The following PVALB variants were observed in gnomAD, a reference collection of about 807,000 sequenced individuals.
The protein encoded by PVALB is parvalbumin, also known as parvalbumin alpha.
PVALB carries 11 observed loss-of-function variants against 10.9 expected under a neutral mutation model. The observed-to-expected ratio is 1.01, with a 90% CI of 0.63 to 1.67. PVALB has a LOEUF of 1.67. Ranked by LOEUF, PVALB falls within the 40% of genes most tolerant of loss-of-function variation. The probability of loss-of-function intolerance (pLI) is 0.00; values close to 1 mark genes in which losing one functional copy is unlikely to be tolerated. For synonymous variants in PVALB, 57 were observed against 50.7 expected, an observed-to-expected ratio of 1.12 and a Z score of -0.53; for missense variants, 131 against 136.2, an observed-to-expected ratio of 0.96 and a Z score of 0.19.
At chr22:36,804,791 G>A (rs2284020) in intron 3 of PVALB, among the ~76,000 whole-genome samples, 56,916 of 151,858 alleles carry the variant, frequency 0.37, 10,993 homozygotes, top group Non-Finnish European at 0.43. Context: ...AAAGTCAGCC[G>A]GGAGTGGTGG....
chr22:36,806,656 C>T (rs1454181196), intron 3 of PVALB, among the ~76,000 whole-genome samples: 2 of 152,156 alleles, frequency 1.3e-5, no homozygotes, highest in Admixed American at 1.3e-4. Context: ...GATCACCTTC[C>T]CATCCCGGAG....
intron 3 of PVALB, among the ~76,000 whole-genome samples, chr22:36,809,237 C>T (rs1939009302): frequency 6.6e-6 from 1 of 152,192 alleles, no homozygotes; most frequent in Non-Finnish European, 1.5e-5. Flanking sequence ...CAGTGCTGCC[C>T]AGAGCTGGGT....
intron 3 of PVALB, among the ~76,000 whole-genome samples, chr22:36,806,391 T>C (rs1014653789): frequency 6.6e-6 from 1 of 152,136 alleles, no homozygotes; most frequent in African/African-American, 2.4e-5. Context: ...CTTAGGAAAC[T>C]GAAATTAGCC....
intron 3 of PVALB, among the ~76,000 whole-genome samples, chr22:36,804,509 T>C (rs956485170): frequency 6.6e-6 from 1 of 152,204 alleles, no homozygotes; most frequent in Non-Finnish European, 1.5e-5. Flanking sequence ...TGTAGATAAA[T>C]TGAGGGCAGG....
chr22:36,805,824 A>G (rs1346156771), intron 3 of PVALB, among the ~76,000 whole-genome samples: 1 of 152,080 alleles, frequency 6.6e-6, no homozygotes, highest in African/African-American at 2.4e-5. Flanking sequence ...TTGACATAAC[A>G]TTAACTACGA....
chr22:36,805,935 CCATCAGAGCTAG>C (rs2145946954), intron 3 of PVALB, among the ~76,000 whole-genome samples: 1 of 152,292 alleles, frequency 6.6e-6, no homozygotes, highest in East Asian at 1.9e-4. Context: ...CCCATCTATC[CCATCAGAGCTAG>C]CATCCCACCT....
At chr22:36,801,349 G>A (rs980058524) in intron 3 of PVALB, among the ~76,000 whole-genome samples, 5 of 152,188 alleles carry the variant, frequency 3.3e-5, no homozygotes, top group Non-Finnish European at 4.4e-5. Context: ...GAGGCTCAGG[G>A]TCCTGATTTC....
chr22:36,815,250 G>A lies in PVALB; in HGVS notation c.62-15C>T. 6.2e-7 allele frequency: 1 copy of A among 1,614,098 alleles called. No individual in the cohort carries two copies. Among genetic ancestry groups the A allele is most frequent in the Non-Finnish European group, 8.5e-7 (1 of 1,179,932 alleles). ...GGAGTCGGTAGCTGTGGGGGGAAGA[G>A]CAGGGTCAAACAAGGACCAGAAAGG... On this transcript the variant is annotated splice_polypyrimidine_tract_variant and intron_variant, in intron 1 of 3. Transcript: ENST00000417718.
Position 36,800,835 on chromosome 22 carries a change from C to G in PVALB, c.*55G>C. The G allele has an allele frequency of 6.5e-7, 1 of 1,548,764 alleles. No homozygotes were observed. The highest frequency in any genetic ancestry group is 8.9e-7 in the Non-Finnish European group (1 of 1,120,682). On this transcript the variant is annotated 3_prime_UTR_variant, in exon 4 of 4. Transcript: ENST00000417718. ...AAATGCAGGAGGGTGGCGAGAGGGG[C>G]CGAGATTGGGTGTTCAGGGCAGAGA... is the stretch of plus-strand genomic sequence containing the variant.
chr22:36,816,818 G>T, intron 1 of PVALB, 127 bp downstream of exon 1: 2 of 753,754 alleles, frequency 2.7e-6, no homozygotes, highest in South Asian at 2.1e-5. Context: ...CGACCTCGCC[G>T]GCGCCCAGCG....
At chr22:36,816,755 G>T (rs1359359745) in intron 1 of PVALB, among the ~76,000 whole-genome samples, 190 bp downstream of exon 1, 2 of 152,128 alleles carry the variant, frequency 1.3e-5, no homozygotes, top group African/African-American at 4.8e-5. Flanking sequence ...CCCGCTCCCC[G>T]CGCCAAGCCT....
chr22:36,812,761 G>A (rs1054065859), intron 3 of PVALB, among the ~76,000 whole-genome samples: 1 of 152,348 alleles, frequency 6.6e-6, no homozygotes, highest in East Asian at 1.9e-4. Flanking sequence ...AGCTTAGTAT[G>A]TTGCAAACAC....
chr22:36,808,536 C>T (rs1184740050), intron 3 of PVALB, among the ~76,000 whole-genome samples: 3 of 152,022 alleles, frequency 2.0e-5, no homozygotes, highest in African/African-American at 7.2e-5. Flanking sequence ...CATCTACTTC[C>T]TAGGATTATT....
upstream of PVALB, among the ~76,000 whole-genome samples, chr22:36,817,824 C>T (rs1939171253): frequency 6.6e-6 from 1 of 152,080 alleles, no homozygotes; most frequent in Non-Finnish European, 1.5e-5. Flanking sequence ...GTCCAGACTC[C>T]CCCTACTCCT....
intron 3 of PVALB, among the ~76,000 whole-genome samples, chr22:36,812,654 G>T (rs950677048): frequency 9.8e-6 from 1 of 102,214 alleles, no homozygotes. Context: ...TGGTAGGGCT[G>T]GGATTTGAAC....
At chr22:36,803,557 T>TG (rs1215734655) in intron 3 of PVALB, among the ~76,000 whole-genome samples, 7 of 143,274 alleles carry the variant, frequency 4.9e-5, no homozygotes, top group Admixed American at 1.4e-4. Context: ...GATGGATGGA[T>TG]GGGGGGTAGA....
chr22:36,810,130 G>A (rs892189452), intron 3 of PVALB, among the ~76,000 whole-genome samples: 4 of 152,098 alleles, frequency 2.6e-5, no homozygotes, highest in African/African-American at 4.8e-5. Context: ...TGATCTGCCC[G>A]CCTTGGACTC....
At chr22:36,813,988 T>G (rs1261816098) in intron 2 of PVALB, among the ~76,000 whole-genome samples, 2 of 152,140 alleles carry the variant, frequency 1.3e-5, no homozygotes, top group Non-Finnish European at 2.9e-5. Flanking sequence ...TTGTCCTCAC[T>G]TCAGGGAGGG....
At chr22:36,812,402 G>A (rs1939060184) in intron 3 of PVALB, among the ~76,000 whole-genome samples, 1 of 152,202 alleles carries the variant, frequency 6.6e-6, no homozygotes, top group South Asian at 2.1e-4. Flanking sequence ...ATGTAAGTGG[G>A]TAGAACGTGA....
Sources: gnomAD v4.1 joint callset for allele counts (sites outside exome capture counted in the v4.1 genomes callset) on GRCh38, gnomAD v4.1.1 for gene constraint, MANE v1.5 for transcripts, NCBI Gene and HGNC (gene_info 2026-07-23, HGNC 2026-07-21) for gene names.